Variants in CNTNAP3 observed in about 807,000 individuals in gnomAD.
The protein encoded by CNTNAP3 is contactin associated protein family member 3, also known as contactin-associated protein-like 3.
Under a neutral mutation model 92.1 loss-of-function variants are expected in CNTNAP3, and 36 were observed. That is an observed-to-expected ratio of 0.39 (90% CI 0.30 to 0.52). CNTNAP3 has a LOEUF of 0.52. CNTNAP3 is among the 20% of genes least tolerant of loss of function. CNTNAP3 has a pLI of 0.76. For synonymous variants in CNTNAP3, 232 were observed against 422.3 expected (o/e 0.55, Z 5.53); for missense variants, 534 against 1,069.6 (o/e 0.50, Z 6.98).
Position 39,067,189 on chromosome 9 carries a change from G to A in CNTNAP3, c.*6701C>T, listed in dbSNP as rs1183172899. Among the ~76,000 whole-genome samples, 3 of 152,304 alleles carry A rather than the reference G, an allele frequency of 2.0e-5. No individual in the cohort carries two copies. The highest frequency in any genetic ancestry group is 4.8e-5 in the African/African-American group (2 of 41,486). ...TTATACATTAACATTGTCATCTCTC[G>A]AAGTTTAATTAAAGCCTTTTCTTGT... On this transcript the variant is annotated 3_prime_UTR_variant, in exon 24 of 24. Coordinates refer to ENST00000297668, the MANE Select transcript of CNTNAP3 (RefSeq NM_033655.5).
intron 12 of CNTNAP3, among the ~76,000 whole-genome samples, chr9:39,135,447 T>A (rs2778164): frequency 6.6e-6 from 1 of 151,480 alleles, no homozygotes; most frequent in East Asian, 1.9e-4. Flanking sequence ...TGGCTGAGTC[T>A]GAACACACTG....
intron 12 of CNTNAP3, among the ~76,000 whole-genome samples, chr9:39,135,639 T>C (rs1821412060): frequency 6.6e-6 from 1 of 152,176 alleles, no homozygotes; most frequent in Non-Finnish European, 1.5e-5. Context: ...ATGAACTTAT[T>C]ATAAATTAAA....
At chr9:39,087,631 T>C (rs1030068528) in intron 19 of CNTNAP3, among the ~76,000 whole-genome samples, 4 of 152,190 alleles carry the variant, frequency 2.6e-5, no homozygotes, top group East Asian at 1.9e-4. Flanking sequence ...GGACTACAGG[T>C]GCCCACCACC....
Position 39,085,924 on chromosome 9 carries a change from T to C in CNTNAP3, c.3355-101A>G, listed in dbSNP as rs557397704. 2.1e-4 allele frequency: 226 copies of C among 1,092,920 alleles called. 2 individuals carry two copies. In the East Asian group the frequency reaches 5.4e-3, roughly 26 times the overall value. 67.7% of individuals were successfully genotyped at this position (1,092,920 alleles called of 1,614,324 possible). ...GAAAGGAAAGATGAAAATAAATCAC[T>C]TTTAAGTACCATTACAAAAGCTCAA... On this transcript the variant is annotated intron_variant, in intron 20 of 23. Transcript: ENST00000297668.
chr9:39,125,391 G>A (rs1426948105), intron 13 of CNTNAP3, among the ~76,000 whole-genome samples: 7 of 152,094 alleles, frequency 4.6e-5, no homozygotes, highest in Non-Finnish European at 8.8e-5. Context: ...ATAGCATTAG[G>A]AGATATAGCT....
chr9:39,097,135 C>G (rs1430613858), intron 18 of CNTNAP3, among the ~76,000 whole-genome samples: 1 of 151,946 alleles, frequency 6.6e-6, no homozygotes, highest in Non-Finnish European at 1.5e-5. Context: ...TTTCTTTTCT[C>G]TGTTAAACTT....
intron 16 of CNTNAP3, among the ~76,000 whole-genome samples, chr9:39,103,291 A>G (rs1353034077): frequency 2.0e-5 from 3 of 152,270 alleles, no homozygotes; most frequent in Non-Finnish European, 4.4e-5. Flanking sequence ...TCTCTTAAAA[A>G]TGATTACTGG....
In CNTNAP3 at chr9:39,109,211, G is replaced by T; in HGVS notation, c.2314C>A (p.Pro772Thr). ...TQIVMTDAGR[P>T]HSEAAYTLGP... is the part of the protein sequence containing the mutation. ...AGTGTATAAGCTGCTTCGGAATGTG[G>T]TCGGCCTGCGTCTGTCATCACAATC... Residue 772 changes from proline (P) to threonine (T), a missense_variant, in exon 15 of 24, where the codon CCA becomes ACA. Transcript: ENST00000297668. The T allele has an allele frequency of 6.2e-7, 1 of 1,612,990 alleles. No individual in the cohort carries two copies. The highest frequency in any genetic ancestry group is 8.5e-7 in the Non-Finnish European group (1 of 1,179,804).
At chr9:39,099,799 T>G (rs1410616539) in intron 18 of CNTNAP3, 112 bp downstream of exon 18, 2 of 1,328,660 alleles carry the variant, frequency 1.5e-6, no homozygotes, top group Non-Finnish European at 2.0e-6. Flanking sequence ...ATTATTCCAT[T>G]TCAAATAATT....
intron 17 of CNTNAP3, among the ~76,000 whole-genome samples, chr9:39,100,619 C>G (rs1300942624): frequency 6.6e-6 from 1 of 151,752 alleles, no homozygotes; most frequent in Non-Finnish European, 1.5e-5. Context: ...TAATTTCTTA[C>G]TTGGATGGAC....
chr9:39,122,462 G>C (rs1821052860), intron 13 of CNTNAP3, among the ~76,000 whole-genome samples: 1 of 152,094 alleles, frequency 6.6e-6, no homozygotes, highest in South Asian at 2.1e-4. Flanking sequence ...TATAGTAACA[G>C]GAGATTAAAA....
intron 15 of CNTNAP3, among the ~76,000 whole-genome samples, chr9:39,105,290 G>C (rs1826574211): frequency 6.6e-6 from 1 of 152,138 alleles, no homozygotes; most frequent in South Asian, 2.1e-4. Flanking sequence ...AGCCAGGCAT[G>C]GTGGTGGGTG....
At chr9:39,118,749 G>C (rs1319428951) in intron 13 of CNTNAP3, among the ~76,000 whole-genome samples, 3 of 152,212 alleles carry the variant, frequency 2.0e-5, no homozygotes, top group Non-Finnish European at 4.4e-5. Flanking sequence ...CTAATTTTTG[G>C]AGGTATTTGT....
Position 39,086,386 on chromosome 9 carries a change from T to G in CNTNAP3, c.3354+330A>C, listed in dbSNP as rs561838679. The stretch of plus-strand genomic sequence containing the variant: ...AAGTTCCCACTGCAGTATCAATGAA[T>G]AGATTCCACCAGCAGTCACTATGAT... On this transcript the variant is annotated intron_variant, in intron 20 of 23. Coordinates refer to ENST00000297668, the MANE Select transcript of CNTNAP3 (RefSeq NM_033655.5). 2.5e-3 allele frequency: 761 copies of G among 305,096 alleles called. 6 individuals carry two copies. Among genetic ancestry groups the G allele is most frequent in the African/African-American group, 0.016 (707 of 45,358 alleles). 18.9% of individuals were successfully genotyped at this position (305,096 alleles called of 1,614,324 possible).
At position 39,071,966 on chromosome 9, in the gene CNTNAP3, A is replaced by C. The variant is rs1825642605; in HGVS notation, c.*1924T>G. On this transcript the variant is annotated 3_prime_UTR_variant, in exon 24 of 24. Coordinates refer to ENST00000297668, the MANE Select transcript of CNTNAP3 (RefSeq NM_033655.5). ...AAAAGCATATAATTCTGTAATTTTA[A>C]TTTTATAGAGCTTTCCCTAAAATAT... Among the ~76,000 whole-genome samples the C allele has an allele frequency of 1.8e-5, 2 of 110,534 alleles. No homozygotes were observed. Among genetic ancestry groups the C allele is most frequent in the Admixed American group, 1.9e-4 (2 of 10,550 alleles). The allele number at this position is 110,534 out of a possible 152,430, so 72.5% of individuals were successfully genotyped here. A position where few individuals can be genotyped will look rare whatever the true frequency, so the allele number is the denominator to read the frequency against.
At chr9:39,137,516 T>G (rs1021284973) in intron 12 of CNTNAP3, among the ~76,000 whole-genome samples, 10 of 152,102 alleles carry the variant, frequency 6.6e-5, no homozygotes, top group Admixed American at 2.6e-4. Flanking sequence ...GTTTGTTTTG[T>G]TTTTTGGTTT....
intron 10 of CNTNAP3, among the ~76,000 whole-genome samples, chr9:39,147,842 C>A (rs1821740694): frequency 1.3e-5 from 2 of 152,176 alleles, no homozygotes; most frequent in African/African-American, 4.8e-5. Context: ...CAACATGGAT[C>A]ATCTCTGAAA....
chr9:39,149,961 G>A lies in CNTNAP3; in HGVS notation c.1494C>T (p.Ser498=), dbSNP rs779384773. ...TYYFGGCLDN[S]SGSGCKSPLG... ...GGGGGCTTTTACATCCAGAGCCAGA[G>A]CTGTTGTCCAGGCAGCCTAAATATG... Residue 498 remains serine, a synonymous_variant, in exon 10 of 24, where the codon AGC becomes AGT. Transcript: ENST00000297668. 6.1e-5 allele frequency: 98 copies of A among 1,611,808 alleles called. No individual in the cohort carries two copies. The highest frequency in any genetic ancestry group is 8.3e-5 in the Non-Finnish European group (98 of 1,179,814).
At chr9:39,149,282 G>C (rs1418222728) in intron 10 of CNTNAP3, among the ~76,000 whole-genome samples, 1 of 152,002 alleles carries the variant, frequency 6.6e-6, no homozygotes, top group Non-Finnish European at 1.5e-5. Context: ...AATTCATAAG[G>C]TGTATGTCTT....
Sources: gnomAD v4.1 joint callset for allele counts (sites outside exome capture counted in the v4.1 genomes callset) on GRCh38, gnomAD v4.1.1 for gene constraint, MANE v1.5 for transcripts, NCBI Gene and HGNC (gene_info 2026-07-23, HGNC 2026-07-21) for gene names.